The following ZNF789 variants were observed in gnomAD, a reference collection of about 807,000 sequenced individuals.
ZNF789 encodes zinc finger protein 789.
A neutral mutation model predicts 15.6 loss-of-function variants in ZNF789; 11 were observed. The ratio of observed to expected loss-of-function variants is 0.70; its 90% CI spans 0.44 to 1.16. The LOEUF is 1.16. Ranked by LOEUF, ZNF789 falls within the 50% of genes most tolerant of loss-of-function variation. The pLI, the probability that ZNF789 is intolerant of heterozygous loss-of-function variation, is 0.00. For synonymous variants in ZNF789, 159 were observed against 176.0 expected, an observed-to-expected ratio of 0.90 and a Z score of 0.76; for missense variants, 461 against 512.6, an observed-to-expected ratio of 0.90 and a Z score of 0.97.
chr7:99,481,420 T>C (rs1799620916), intron 3 of ZNF789: 1 of 152,230 alleles, frequency 6.6e-6, no homozygotes, highest in Admixed American at 6.5e-5. Context: ...TCAACAAACT[T>C]TGTACTGTTT....
chr7:99,486,380 CATTT>C, intron 4 of ZNF789, 92 bp from the exon 5 acceptor site: 1 of 1,207,908 alleles, frequency 8.3e-7, no homozygotes. Flanking sequence ...TTCTTAGCTT[CATTT>C]GATTGTCCTA....
chr7:99,478,419 G>A (rs560238929), intron 2 of ZNF789: 15 of 1,256,890 alleles, frequency 1.2e-5, no homozygotes, highest in African/African-American at 7.7e-5. Flanking sequence ...AAGAAAGTCC[G>A]TATAATTTGG....
At chr7:99,485,115 C>T in intron 4 of ZNF789, 5 of 1,446,560 alleles carry the variant, frequency 3.5e-6, no homozygotes, top group Non-Finnish European at 4.6e-6. Flanking sequence ...TCTCTCGGTG[C>T]TGCCTCTTGT....
chr7:99,478,738 C>A, intron 2 of ZNF789: 1 of 228,532 alleles, frequency 4.4e-6, no homozygotes, highest in Admixed American at 4.9e-5. Flanking sequence ...TGTGCTGTGT[C>A]CACTGTTGCC....
At chr7:99,477,066 C>T (rs1196343605) in intron 2 of ZNF789, among the ~76,000 whole-genome samples, 1 of 149,976 alleles carries the variant, frequency 6.7e-6, no homozygotes, top group Non-Finnish European at 1.5e-5. Context: ...TTTTTTTTGA[C>T]GGAGTCTCAC....
At chr7:99,482,451 G>T (rs1183940795) in intron 3 of ZNF789, 1 of 554,886 alleles carries the variant, frequency 1.8e-6, no homozygotes, top group Non-Finnish European at 3.2e-6. Context: ...TCAGGTTAGT[G>T]CTCAGAAAGT....
chr7:99,486,704 A>G lies in ZNF789; in HGVS notation c.494A>G (p.Asn165Ser). 6.2e-7 allele frequency: 1 copy of G among 1,614,172 alleles called. No individual in the cohort carries two copies. The highest frequency in any genetic ancestry group is 8.5e-7 in the Non-Finnish European group (1 of 1,180,018). The change falls in exon 5 of 5, where the codon AAT (asparagine) becomes AGT (serine). Residue 165 changes from asparagine (N) to serine (S), a missense_variant. Physicochemically the swap from Asn to Ser is conservative, Grantham distance 46. Coordinates refer to ENST00000331410, the MANE Select transcript of ZNF789 (RefSeq NM_213603.3). ...LQNLNLIQDQNAQTRWKQGRY... is the reference protein window; with the variant it reads ...LQNLNLIQDQSAQTRWKQGRY... ...AACCTTAACCTTATTCAAGATCAGA[A>G]TGCGCAAACAAGGTGGAAGCAGGGC...
intron 1 of ZNF789, among the ~76,000 whole-genome samples, chr7:99,474,410 C>G (rs374378390): frequency 6.6e-6 from 1 of 152,046 alleles, no homozygotes; most frequent in Admixed American, 6.6e-5. Context: ...CTGGCTAACA[C>G]GGTGAAACCC....
chr7:99,478,376 C>T lies in ZNF789; in HGVS notation c.25-1285C>T, dbSNP rs965769707. 16 of 1,288,632 alleles carry T rather than the reference C, an allele frequency of 1.2e-5. No homozygotes were observed. In the East Asian group the frequency reaches 1.7e-4, roughly 13 times the overall value. 79.8% of individuals were successfully genotyped at this position (1,288,632 alleles called of 1,614,324 possible). A position where few individuals can be genotyped will look rare whatever the true frequency, so the allele number is the denominator to read the frequency against. ...ATAATGGTGAGAAAGGGCCTGCAAC[C>T]GTAGCAGTGGAACTCAGGTTTGATA... On this transcript the variant is annotated intron_variant, in intron 2 of 4. Transcript: ENST00000331410.
chr7:99,487,069 T>C lies in ZNF789; in HGVS notation c.859T>C (p.Cys287Arg), dbSNP rs1799999695. The change falls in exon 5 of 5, where the codon TGT becomes CGT. Residue 287 changes from cysteine (C) to arginine (R), a missense_variant. Physicochemically the swap from Cys to Arg is radical, Grantham distance 180. Transcript: ENST00000331410. Reference sequence around the variant, plus strand: ...TCACACCAAAGAAAAACCTTATAAATGTAGCAAATGTGAAAAAACGTTTAG... The same window carrying C: ...TCACACCAAAGAAAAACCTTATAAACGTAGCAAATGTGAAAAAACGTTTAG... Reference protein sequence around the residue: ...RIHTKEKPYKCSKCEKTFSQN... With the variant: ...RIHTKEKPYKRSKCEKTFSQN... 6.2e-7 allele frequency: 1 copy of C among 1,613,978 alleles called. No individual in the cohort carries two copies. Among genetic ancestry groups the C allele is most frequent in the Non-Finnish European group, 8.5e-7 (1 of 1,180,032 alleles).
intron 4 of ZNF789, among the ~76,000 whole-genome samples, chr7:99,484,488 C>T (rs1234460550): frequency 6.6e-6 from 1 of 152,160 alleles, no homozygotes; most frequent in Non-Finnish European, 1.5e-5. Flanking sequence ...CGCGTAGTGG[C>T]GTGTGCCTGT....
intron 3 of ZNF789, chr7:99,483,737 A>G: frequency 1.3e-6 from 1 of 781,038 alleles, no homozygotes; most frequent in East Asian, 2.4e-5. Flanking sequence ...TTTGATATTC[A>G]GTTTATTTCC....
intron 3 of ZNF789, among the ~76,000 whole-genome samples, chr7:99,482,991 G>A (rs1799728744): frequency 6.6e-6 from 1 of 152,192 alleles, no homozygotes; most frequent in African/African-American, 2.4e-5. Flanking sequence ...AGCACTTTGG[G>A]AGGCCGAGAC....
chr7:99,485,253 T>C lies in ZNF789; in HGVS notation c.265+1110T>C, dbSNP rs1297932704. The C allele has an allele frequency of 2.6e-6, 4 of 1,531,250 alleles. No homozygotes were observed. In the African/African-American group the frequency reaches 5.5e-5, roughly 21 times the overall value. The allele number at this position is 1,531,250 out of a possible 1,614,324, so 94.9% of individuals were successfully genotyped here. On this transcript the variant is annotated intron_variant, in intron 4 of 4. Transcript: ENST00000331410. ...CAAGGTTTCTCCTCCATGGCACTACTGACGTTTTGGGCTGACGAATTCTTT... is the reference window on the plus strand; with the variant it reads ...CAAGGTTTCTCCTCCATGGCACTACCGACGTTTTGGGCTGACGAATTCTTT...
At chr7:99,475,980 A>T (rs1180677386) in intron 1 of ZNF789, among the ~76,000 whole-genome samples, 1 of 151,316 alleles carries the variant, frequency 6.6e-6, no homozygotes, top group South Asian at 2.1e-4. Flanking sequence ...AATTTTTTGT[A>T]TTTTAGTAGA....
At chr7:99,476,544 G>C in intron 2 of ZNF789, 64 bp downstream of exon 2, 2 of 1,596,900 alleles carry the variant, frequency 1.3e-6, no homozygotes, top group South Asian at 1.1e-5. Flanking sequence ...TCCTTCCTCA[G>C]ACTGAGCCCT....
intron 2 of ZNF789, 75 bp from the exon 3 acceptor site, chr7:99,479,586 T>C (rs1799511626): frequency 7.4e-6 from 11 of 1,492,684 alleles, no homozygotes; most frequent in Non-Finnish European, 9.8e-6. Flanking sequence ...AACCTTGGTT[T>C]CCTCAGCTGT....
chr7:99,482,043 T>C (rs1348123755), intron 3 of ZNF789: 1 of 689,996 alleles, frequency 1.4e-6, no homozygotes, highest in Admixed American at 2.3e-5. Context: ...GGAATACTCA[T>C]AAATATATAA....
chr7:99,480,098 G>A (rs929264984), intron 3 of ZNF789: 5 of 363,558 alleles, frequency 1.4e-5, no homozygotes, highest in Non-Finnish European at 2.4e-5. Flanking sequence ...TTCCGAGGCG[G>A]GTGGATCACA....
Sources: gnomAD v4.1 joint callset for allele counts (sites outside exome capture counted in the v4.1 genomes callset) on GRCh38, gnomAD v4.1.1 for gene constraint, MANE v1.5 for transcripts, NCBI Gene and HGNC (gene_info 2026-07-23, HGNC 2026-07-21) for gene names.